The following DGKB variants were observed in gnomAD, a reference collection of about 807,000 sequenced individuals.
DGKB encodes 90 kDa diacylglycerol kinase.
A neutral mutation model predicts 114.3 loss-of-function variants in DGKB; 67 were observed. The ratio of observed to expected loss-of-function variants is 0.59; its 90% CI spans 0.48 to 0.72. The LOEUF is 0.72. DGKB is among the 30% of genes least tolerant of loss of function. The pLI is 0.00. For missense variants in DGKB, 907 were observed against 975.2 expected (o/e 0.93, Z 0.93); for synonymous variants, 398 against 323.1 (o/e 1.23, Z -2.49).
Position 14,705,573 on chromosome 7 carries a change from G to A in DGKB, c.467-3843C>T, listed in dbSNP as rs527560286. On this transcript the variant is annotated intron_variant, in intron 6 of 25. Coordinates refer to ENST00000402815, the MANE Select transcript of DGKB (RefSeq NM_001350709.2). The stretch of plus-strand genomic sequence containing the variant: ...TTAAGGGCAGCCAGAGAGAAAGGTC[G>A]GGTTCCCCTCAAAGGGAAGCCCATC... Among the ~76,000 whole-genome samples, 26 of 149,592 alleles carry A rather than the reference G, an allele frequency of 1.7e-4. No individual in the cohort carries two copies. The East Asian group carries it at 4.4e-3, about 26-fold the overall frequency.
intron 21 of DGKB, among the ~76,000 whole-genome samples, chr7:14,353,585 A>T (rs1813893884): frequency 6.6e-6 from 1 of 152,112 alleles, no homozygotes; most frequent in Non-Finnish European, 1.5e-5. Context: ...CTGAATTTTT[A>T]CTCGTGAGAG....
chr7:14,244,071 A>T (rs1794068885), intron 23 of DGKB, among the ~76,000 whole-genome samples: 1 of 151,298 alleles, frequency 6.6e-6, no homozygotes, highest in Non-Finnish European at 1.5e-5. Flanking sequence ...GAGAGAGATC[A>T]ATTTACCTTC....
At chr7:14,640,209 T>C (rs1280332484) in intron 13 of DGKB, among the ~76,000 whole-genome samples, 7 of 152,208 alleles carry the variant, frequency 4.6e-5, no homozygotes, top group Non-Finnish European at 1.0e-4. Context: ...TTTCCTATTG[T>C]AAATTAGGAA....
At chr7:14,912,451 T>C (rs1174727061) in intron 1 of DGKB, among the ~76,000 whole-genome samples, 2 of 152,112 alleles carry the variant, frequency 1.3e-5, no homozygotes, top group African/African-American at 4.8e-5. Context: ...ATGAGTTCAC[T>C]GGGGGACTGG....
At chr7:14,817,550 T>G (rs1462191117) in intron 2 of DGKB, among the ~76,000 whole-genome samples, 3 of 151,978 alleles carry the variant, frequency 2.0e-5, no homozygotes, top group Admixed American at 6.6e-5. Flanking sequence ...AAACATTGGG[T>G]TTTGATTTGT....
chr7:14,880,587 G>A (rs1854069214), intron 1 of DGKB, among the ~76,000 whole-genome samples: 1 of 152,190 alleles, frequency 6.6e-6, no homozygotes, highest in South Asian at 2.1e-4. Context: ...AATGGAAGAG[G>A]TTTGGATTGC....
chr7:14,613,468 A>C, intron 15 of DGKB, 55 bp from the exon 16 acceptor site: 1 of 879,712 alleles, frequency 1.1e-6, no homozygotes, highest in Non-Finnish European at 1.8e-6. Context: ...TATATGAAGA[A>C]GACTCCTTGT....
At chr7:14,797,154 G>A (rs1034971774) in intron 2 of DGKB, among the ~76,000 whole-genome samples, 1 of 152,028 alleles carries the variant, frequency 6.6e-6, no homozygotes, top group Non-Finnish European at 1.5e-5. Context: ...TCTTTTTGAA[G>A]TCTTCTTGTG....
At chr7:14,557,659 A>T (rs1796065962) in intron 20 of DGKB, among the ~76,000 whole-genome samples, 1 of 152,026 alleles carries the variant, frequency 6.6e-6, no homozygotes, top group Admixed American at 6.6e-5. Flanking sequence ...GGCTTTTGAT[A>T]GAAAATCTTC....
At chr7:14,451,756 T>C (rs1391206036) in intron 21 of DGKB, among the ~76,000 whole-genome samples, 1 of 152,070 alleles carries the variant, frequency 6.6e-6, no homozygotes. Context: ...TGAGAAAATG[T>C]GTTAAACCAG....
intron 20 of DGKB, among the ~76,000 whole-genome samples, chr7:14,542,239 A>C (rs1793583919): frequency 6.6e-6 from 1 of 151,966 alleles, no homozygotes; most frequent in Non-Finnish European, 1.5e-5. Context: ...GGCTGGTCTC[A>C]AACTCTTGGC....
intron 1 of DGKB, among the ~76,000 whole-genome samples, chr7:14,845,167 AT>A (rs1180383546): frequency 6.6e-6 from 1 of 150,828 alleles, no homozygotes; most frequent in African/African-American, 2.4e-5. Flanking sequence ...GAAGAAAAAT[AT>A]CCCCCAGTTC....
chr7:14,897,672 A>G (rs111754773), intron 1 of DGKB, among the ~76,000 whole-genome samples: 2 of 152,080 alleles, frequency 1.3e-5, no homozygotes, highest in African/African-American at 4.8e-5. Context: ...TCATATTCCA[A>G]AATATTGCCC....
At chr7:14,937,331 G>C (rs762521593) in intron 1 of DGKB, among the ~76,000 whole-genome samples, 1 of 151,858 alleles carries the variant, frequency 6.6e-6, no homozygotes, top group Non-Finnish European at 1.5e-5. Context: ...AAAGAAAGGA[G>C]ACAATCATGT....
At chr7:14,889,411 C>T (rs1206746779) in intron 1 of DGKB, among the ~76,000 whole-genome samples, 2 of 151,610 alleles carry the variant, frequency 1.3e-5, no homozygotes, top group Non-Finnish European at 3.0e-5. Context: ...TGTGGCATTT[C>T]AGATAAACAC....
At chr7:14,342,099 A>G (rs1277061668) in intron 22 of DGKB, among the ~76,000 whole-genome samples, 1 of 151,864 alleles carries the variant, frequency 6.6e-6, no homozygotes, top group Non-Finnish European at 1.5e-5. Flanking sequence ...AGCAATAAGA[A>G]TATTGTCTTT....
chr7:14,615,160 G>T (rs2128801533), intron 15 of DGKB, among the ~76,000 whole-genome samples: 1 of 152,084 alleles, frequency 6.6e-6, no homozygotes, highest in Non-Finnish European at 1.5e-5. Flanking sequence ...AATTTGAACT[G>T]TTTCTACTGG....
At chr7:14,733,144 T>C (rs1438255591) in intron 5 of DGKB, among the ~76,000 whole-genome samples, 1 of 152,160 alleles carries the variant, frequency 6.6e-6, no homozygotes, top group East Asian at 1.9e-4. Context: ...TAAACTGTAA[T>C]ACTACACATT....
At chr7:14,279,980 C>T (rs1459715248) in intron 23 of DGKB, among the ~76,000 whole-genome samples, 1 of 152,236 alleles carries the variant, frequency 6.6e-6, no homozygotes, top group Admixed American at 6.5e-5. Context: ...AACGCAGCTC[C>T]TCACCAGTAA....
Sources: allele counts gnomAD v4.1 joint callset (sites outside exome capture counted in the v4.1 genomes callset), GRCh38; gene constraint gnomAD v4.1.1; transcripts MANE v1.5; gene names NCBI Gene and HGNC (gene_info 2026-07-23, HGNC 2026-07-21).